The following REC8 variants were observed in gnomAD, a reference collection of about 807,000 sequenced individuals.
REC8 encodes REC8 meiotic recombination protein, also known as meiotic recombination protein REC8 homolog.
A neutral mutation model predicts 78.3 loss-of-function variants in REC8; 42 were observed. The ratio of observed to expected loss-of-function variants is 0.54; its 90% CI spans 0.42 to 0.69. The LOEUF is 0.69. Among genes scored for constraint, REC8 ranks in the 30% least tolerant of loss-of-function variants. REC8 has a pLI of 0.00. For missense variants in REC8, 581 were observed against 715.8 expected (o/e 0.81, Z 2.15); for synonymous variants, 268 against 274.1 (o/e 0.98, Z 0.22).
intron 5 of REC8, among the ~76,000 whole-genome samples, chr14:24,175,072 T>C (rs1349760121): frequency 2.0e-5 from 3 of 150,916 alleles, no homozygotes; most frequent in Non-Finnish European, 4.4e-5. Context: ...AGTGGCTCAA[T>C]CTCAGCTCAC....
chr14:24,180,472 C>CTGGCTG (rs2039113913), downstream of REC8: 1 of 1,613,312 alleles, frequency 6.2e-7, no homozygotes, highest in African/African-American at 1.3e-5. Flanking sequence ...CCTGGAGCTC[C>CTGGCTG]TGAGCCTTGT....
chr14:24,172,233 C>T lies in REC8; in HGVS notation c.-320C>T. 2 of 390,762 alleles carry T rather than the reference C, an allele frequency of 5.1e-6. No individual in the cohort carries two copies. Among genetic ancestry groups the T allele is most frequent in the African/African-American group, 2.0e-5 (1 of 48,824 alleles). The allele number at this position is 390,762 out of a possible 1,614,324, so 24.2% of individuals were successfully genotyped here. ...GACCTGCTCTGGATTCCGGCCCGGA[C>T]GTCCCCTTGGAGCTCTGCATCTCCA... On this transcript the variant is annotated 5_prime_UTR_variant, in exon 1 of 19. The change creates a new upstream start codon in the 5' untranslated region. Coordinates refer to ENST00000611366, the MANE Select transcript of REC8 (RefSeq NM_001048205.2).
rs560007251 is a variant in REC8, at chr14:24,177,679, T to C, written c.815-30T>C. ...GCATCTGCAAGGGGTAAGGGGCTTA[T>C]GGGACAGAGCCCCTTGGGTGTTGTT... is the stretch of plus-strand genomic sequence containing the variant. On this transcript the variant is annotated intron_variant, in intron 10 of 18. Transcript: ENST00000611366. 1.2e-5 allele frequency: 19 copies of C among 1,602,574 alleles called. No homozygotes were observed. The African/African-American group carries it at 1.7e-4, about 15-fold the overall frequency.
chr14:24,174,276 G>A (rs1024414617), intron 5 of REC8, among the ~76,000 whole-genome samples: 64 of 151,070 alleles, frequency 4.2e-4, no homozygotes, highest in Admixed American at 4.1e-3. Flanking sequence ...GAGCCATCGC[G>A]CTGGCCTATT....
chr14:24,179,965 G>A (rs200300723), intron 18 of REC8, 45 bp from the exon 19 acceptor site: 32 of 1,614,068 alleles, frequency 2.0e-5, no homozygotes, highest in African/African-American at 1.3e-4. Flanking sequence ...CCAGAGGCCC[G>A]TACAGGGACT....
At chr14:24,179,355 C>T (rs1566637595) in intron 15 of REC8, 42 bp from the exon 16 acceptor site, 1 of 1,607,494 alleles carries the variant, frequency 6.2e-7, no homozygotes, top group African/African-American at 1.3e-5. Context: ...CCCTAACTGC[C>T]ACCCAAGCAG....
chr14:24,175,794 C>A (rs1362648018), intron 6 of REC8, among the ~76,000 whole-genome samples, 170 bp downstream of exon 6: 1 of 151,548 alleles, frequency 6.6e-6, no homozygotes, highest in Non-Finnish European at 1.5e-5. Context: ...ACGATCTCGG[C>A]TCACTGCAAG....
intron 5 of REC8, 184 bp from the exon 6 acceptor site, chr14:24,175,359 G>A: frequency 3.6e-6 from 2 of 556,638 alleles, no homozygotes; most frequent in Non-Finnish European, 3.2e-6. Flanking sequence ...TGGGGAGGGA[G>A]GTGAGAACAG....
intron 14 of REC8, 46 bp downstream of exon 14, chr14:24,178,962 G>A: frequency 1.2e-6 from 2 of 1,608,348 alleles, no homozygotes; most frequent in South Asian, 2.2e-5. Flanking sequence ...GCCAGGGTCT[G>A]CCTGACCAGC....
Position 24,175,545 on chromosome 14 carries a change from T to G in REC8, c.465T>G (p.Ile155Met). Reference sequence around the variant, plus strand: ...TTGTTTCCAATCCCTCTCCAAAGATTCGACACCTCTTAGAGGCTGCAATCC... The same window carrying G: ...TTGTTTCCAATCCCTCTCCAAAGATGCGACACCTCTTAGAGGCTGCAATCC... ...RLPSPFDIPQ[I>M]RHLLEAAIPE... The change falls in exon 6 of 19, where the codon ATT becomes ATG. Residue 155 changes from isoleucine (I) to methionine (M), a missense_variant and splice_region_variant. Physicochemically the swap from Ile to Met is conservative, Grantham distance 10 (BLOSUM62 1). Coordinates refer to ENST00000611366, the MANE Select transcript of REC8 (RefSeq NM_001048205.2). The G allele has an allele frequency of 6.2e-7, 1 of 1,613,476 alleles. No individual in the cohort carries two copies. The highest frequency in any genetic ancestry group is 8.5e-7 in the Non-Finnish European group (1 of 1,179,438).
chr14:24,176,772 T>G, intron 6 of REC8, 50 bp from the exon 7 acceptor site: 1 of 1,436,722 alleles, frequency 7.0e-7, no homozygotes, highest in Non-Finnish European at 9.7e-7. Flanking sequence ...TGCATGGCTG[T>G]GGGAATTTGG....
Position 24,177,770 on chromosome 14 carries a change from C to A in REC8, c.864+12C>A. The A allele has an allele frequency of 1.3e-6, 2 of 1,586,370 alleles. No homozygotes were observed. Among genetic ancestry groups the A allele is most frequent in the South Asian group, 1.1e-5 (1 of 88,104 alleles). On this transcript the variant is annotated intron_variant, in intron 11 of 18. Coordinates refer to ENST00000611366, the MANE Select transcript of REC8 (RefSeq NM_001048205.2). ...CACCCAGCCCAGAGGTGAGTAGCCT[C>A]CCTTCTAATCCTCCTCCTCCTCCTC...
At chr14:24,175,453 T>A in intron 5 of REC8, 90 bp from the exon 6 acceptor site, 2 of 973,310 alleles carry the variant, frequency 2.1e-6, no homozygotes, top group Non-Finnish European at 1.7e-6. Flanking sequence ...AAAAGGAGAT[T>A]ACCGTGCATT....
In REC8 at chr14:24,172,974, C is replaced by T. The variant is rs1315747584; in HGVS notation, c.201C>T (p.Leu67=). The T allele has an allele frequency of 3.7e-6, 6 of 1,609,518 alleles. No individual in the cohort carries two copies. The South Asian group carries it at 5.5e-5, about 15-fold the overall frequency. The change falls in exon 3 of 19, where the codon CTC becomes CTT. Residue 67 remains leucine, a synonymous_variant. Coordinates refer to ENST00000611366, the MANE Select transcript of REC8 (RefSeq NM_001048205.2). ...GCCTGCCGCGGCCCCGCTTCTCCCT[C>T]TATCTCTCAGCCCAACTTCAGATCG... ...QPGLPRPRFS[L]YLSAQLQIGV...
intron 14 of REC8, 79 bp downstream of exon 14, chr14:24,178,995 G>C: frequency 1.9e-6 from 3 of 1,602,250 alleles, no homozygotes; most frequent in South Asian, 2.2e-5. Flanking sequence ...CCTGCTATGA[G>C]AGCCAACAGC....
At position 24,178,872 on chromosome 14, in the gene REC8, G is replaced by C. The variant is rs374592961; in HGVS notation, c.1159G>C (p.Ala387Pro). The C allele has an allele frequency of 1.9e-6, 3 of 1,613,352 alleles. No individual in the cohort carries two copies. Among genetic ancestry groups the C allele is most frequent in the Non-Finnish European group, 2.5e-6 (3 of 1,179,962 alleles). Reference protein sequence around the residue: ...LRRELPEEAAAEEERRKIEVP... With the variant: ...LRRELPEEAAPEEERRKIEVP... Reference sequence around the variant, plus strand: ...GCGAGAGCTGCCTGAGGAGGCAGCCGCTGAGGAGGAAAGGAGAAAGATTGA... The same window carrying C: ...GCGAGAGCTGCCTGAGGAGGCAGCCCCTGAGGAGGAAAGGAGAAAGATTGA... The change falls in exon 14 of 19, where the codon GCT becomes CCT. Residue 387 changes from alanine (A) to proline (P), a missense_variant. Transcript: ENST00000611366.
Position 24,176,814 on chromosome 14 carries a change from C to G in REC8, c.545-8C>G, listed in dbSNP as rs751108633. 2.5e-6 allele frequency: 4 copies of G among 1,608,108 alleles called. No individual in the cohort carries two copies. The highest frequency in any genetic ancestry group is 3.4e-6 in the Non-Finnish European group (4 of 1,175,426). On this transcript the variant is annotated splice_polypyrimidine_tract_variant and splice_region_variant and intron_variant, in intron 6 of 18. Coordinates refer to ENST00000611366, the MANE Select transcript of REC8 (RefSeq NM_001048205.2). ...GCAGAGAGGCTAGTGACTCTCTTGT[C>G]CCTCCAGAGAGGATTCCGGTCACTG...
downstream of REC8, chr14:24,180,626 G>A (rs371255125): frequency 1.9e-6 from 3 of 1,612,578 alleles, no homozygotes; most frequent in East Asian, 6.7e-5. Context: ...CGCTGCCCCA[G>A]GCTCTCTGAG....
intron 5 of REC8, among the ~76,000 whole-genome samples, chr14:24,173,923 T>C (rs538051722): frequency 6.6e-6 from 1 of 152,294 alleles, no homozygotes; most frequent in East Asian, 1.9e-4. Flanking sequence ...TGGAGTGCAG[T>C]GGCACGATCT....
Sources: gnomAD v4.1 joint callset for allele counts (sites outside exome capture counted in the v4.1 genomes callset) on GRCh38, gnomAD v4.1.1 for gene constraint, MANE v1.5 for transcripts, NCBI Gene and HGNC (gene_info 2026-07-23, HGNC 2026-07-21) for gene names.